EYS: variants seen among roughly 807,000 people sequenced by gnomAD.
EYS encodes the protein EGF-like photoreceptor maintenance factor.
A neutral mutation model predicts 282.1 loss-of-function variants in EYS; 250 were observed. The ratio of observed to expected loss-of-function variants is 0.89; its 90% CI spans 0.80 to 0.98. The LOEUF is 0.98. Ranked by LOEUF, EYS falls within the 50% of genes least tolerant of loss-of-function variation. The pLI is 0.00. For synonymous variants in EYS, 1,355 were observed against 1,282.9 expected, an observed-to-expected ratio of 1.06 and a Z score of -1.20; for missense variants, 4,016 against 3,709.0, an observed-to-expected ratio of 1.08 and a Z score of -2.15.
intron 33 of EYS, among the ~76,000 whole-genome samples, chr6:64,003,202 C>A (rs1768181886): frequency 6.6e-6 from 1 of 152,066 alleles, no homozygotes; most frequent in Non-Finnish European, 1.5e-5. Flanking sequence ...TAAAATAAAC[C>A]AGGCATAGAA....
At chr6:63,801,395 C>T (rs1025941218) in intron 37 of EYS, among the ~76,000 whole-genome samples, 3 of 152,050 alleles carry the variant, frequency 2.0e-5, no homozygotes, top group Admixed American at 6.6e-5. Context: ...GCTTCCCCAG[C>T]ACCTAAAAGA....
chr6:64,811,231 A>G lies in EYS; in HGVS notation c.3443+2147T>C, dbSNP rs1432878604. 3.3e-5 allele frequency among the ~76,000 whole-genome samples: 5 copies of G among 152,068 alleles called. No individual in the cohort carries two copies. The Admixed American group carries it at 3.3e-4, about 10-fold the overall frequency. ...TAGAAACTGCACCTCCCAAGGCATT[A>G]CCATTGACAGATCTTCAGGGGCTTT... On this transcript the variant is annotated intron_variant, in intron 22 of 42. Coordinates refer to ENST00000503581, the MANE Select transcript of EYS (RefSeq NM_001142800.2).
intron 28 of EYS, among the ~76,000 whole-genome samples, chr6:64,396,656 A>G (rs1027308815): frequency 6.6e-6 from 1 of 152,110 alleles, no homozygotes; most frequent in African/African-American, 2.4e-5. Context: ...CGACTCAGTA[A>G]CATGAGTGGA....
chr6:64,413,075 C>T (rs1297551954), intron 28 of EYS, among the ~76,000 whole-genome samples: 1 of 152,148 alleles, frequency 6.6e-6, no homozygotes, highest in African/African-American at 2.4e-5. Context: ...ACTATGGATA[C>T]TAGTTGAAGC....
chr6:64,295,825 G>A (rs960820191), intron 30 of EYS, among the ~76,000 whole-genome samples: 1 of 151,890 alleles, frequency 6.6e-6, no homozygotes, highest in African/African-American at 2.4e-5. Flanking sequence ...GCATATTTCA[G>A]AATTTTGGGT....
intron 26 of EYS, among the ~76,000 whole-genome samples, chr6:64,575,475 C>T (rs1278355407): frequency 6.6e-6 from 1 of 152,046 alleles, no homozygotes; most frequent in Non-Finnish European, 1.5e-5. Flanking sequence ...AGCTTCATGG[C>T]AGAAGCAAGG....
intron 28 of EYS, among the ~76,000 whole-genome samples, chr6:64,396,609 T>C (rs1336565361): frequency 6.6e-6 from 1 of 152,110 alleles, no homozygotes; most frequent in Non-Finnish European, 1.5e-5. Flanking sequence ...GTCCCAAGTA[T>C]GTATCAGTTT....
chr6:64,330,489 G>C (rs1329591632), intron 29 of EYS, among the ~76,000 whole-genome samples: 1 of 152,198 alleles, frequency 6.6e-6, no homozygotes, highest in Non-Finnish European at 1.5e-5. Flanking sequence ...CCTTGATCCA[G>C]GTCCCAGCAT....
At chr6:64,609,291 A>G (rs1767033278) in intron 24 of EYS, among the ~76,000 whole-genome samples, 1 of 152,200 alleles carries the variant, frequency 6.6e-6, no homozygotes, top group Non-Finnish European at 1.5e-5. Context: ...AAAGAGGGAC[A>G]TATGCTAAAA....
chr6:65,449,696 G>A (rs949881396), intron 5 of EYS, among the ~76,000 whole-genome samples: 4 of 152,124 alleles, frequency 2.6e-5, no homozygotes, highest in African/African-American at 7.2e-5. Flanking sequence ...AGAAAAATAA[G>A]CCTTACGAAG....
chr6:64,224,080 A>G (rs1299552405), intron 31 of EYS, among the ~76,000 whole-genome samples: 2 of 152,100 alleles, frequency 1.3e-5, no homozygotes, highest in Non-Finnish European at 2.9e-5. Flanking sequence ...TGTTTTCTAT[A>G]ATCACATTTT....
At chr6:64,479,859 A>G (rs1776384463) in intron 26 of EYS, among the ~76,000 whole-genome samples, 1 of 151,874 alleles carries the variant, frequency 6.6e-6, no homozygotes, top group Admixed American at 6.6e-5. Context: ...CTTATATTGC[A>G]CAAAGTGAAT....
rs1773018071 is a variant in EYS, at chr6:64,758,139, T to C, written c.3443+55239A>G. Among the ~76,000 whole-genome samples the C allele has an allele frequency of 2.6e-5, 4 of 152,244 alleles. No homozygotes were observed. In the South Asian group the frequency reaches 8.3e-4, roughly 32 times the overall value. On this transcript the variant is annotated intron_variant, in intron 22 of 42. Transcript: ENST00000503581. The stretch of plus-strand genomic sequence containing the variant: ...TCATCTAGTACGCACGAGTTATTTG[T>C]TGAGTGTCAGTCTTGTGCTTTGTTC...
At chr6:64,510,176 C>T (rs1031209142) in intron 26 of EYS, among the ~76,000 whole-genome samples, 1 of 152,002 alleles carries the variant, frequency 6.6e-6, no homozygotes, top group African/African-American at 2.4e-5. Context: ...GATACAACAT[C>T]TGAATGAAAT....
intron 29 of EYS, among the ~76,000 whole-genome samples, chr6:64,345,181 C>A (rs1771329130): frequency 6.6e-6 from 1 of 152,010 alleles, no homozygotes; most frequent in Non-Finnish European, 1.5e-5. Context: ...ACTTTCTTCA[C>A]AGAATTGGAA....
Position 65,140,934 on chromosome 6 carries a change from C to T in EYS, c.2024-83207G>A, listed in dbSNP as rs368604422. On this transcript the variant is annotated intron_variant, in intron 12 of 42. Transcript: ENST00000503581. ...TCAACCATTGTGGAAGTCAGTGTGG[C>T]GATTCCTCAGGGATCTAGAACTAGA... Among the ~76,000 whole-genome samples the T allele has an allele frequency of 2.6e-3, 392 of 150,444 alleles. 4 individuals carry two copies. Among genetic ancestry groups the T allele is most frequent in the Middle Eastern group, 0.01 (3 of 294 alleles).
At chr6:64,057,835 G>A (rs920228817) in intron 33 of EYS, among the ~76,000 whole-genome samples, 3 of 151,998 alleles carry the variant, frequency 2.0e-5, no homozygotes, top group Non-Finnish European at 4.4e-5. Context: ...TTTTGAATCT[G>A]TTTGTTTTTC....
chr6:64,718,448 A>C (rs1247403116), intron 22 of EYS, among the ~76,000 whole-genome samples: 1 of 152,184 alleles, frequency 6.6e-6, no homozygotes, highest in Non-Finnish European at 1.5e-5. Flanking sequence ...TACATATTTC[A>C]TGTATTTTTT....
chr6:64,688,231 C>T, intron 22 of EYS, among the ~76,000 whole-genome samples: 1 of 151,846 alleles, frequency 6.6e-6, no homozygotes, highest in South Asian at 2.1e-4. Context: ...TCCTTCAGTT[C>T]TGCTTTGATC....
Sources: gnomAD v4.1 joint callset for allele counts (sites outside exome capture counted in the v4.1 genomes callset) on GRCh38, gnomAD v4.1.1 for gene constraint, MANE v1.5 for transcripts, NCBI Gene and HGNC (gene_info 2026-07-23, HGNC 2026-07-21) for gene names.